The following KCNQ3 variants were observed in gnomAD, a reference collection of about 807,000 sequenced individuals.
The protein encoded by KCNQ3 is potassium voltage-gated channel subfamily KQT member 3.
In KCNQ3, 30 loss-of-function variants were observed where a neutral mutation model predicts 92.5. The observed-to-expected ratio is 0.32, with a 90% CI of 0.24 to 0.44. The LOEUF (loss-of-function observed/expected upper bound fraction) is 0.44, where lower values mean the gene tolerates loss of function less well. KCNQ3 is among the 20% of genes least tolerant of loss of function. The pLI, the probability that KCNQ3 is intolerant of heterozygous loss-of-function variation, is 1.00. For synonymous variants in KCNQ3, 450 were observed against 468.8 expected (o/e 0.96, Z 0.52); for missense variants, 913 against 1,140.3 (o/e 0.80, Z 2.87).
Position 132,476,001 on chromosome 8 carries a change from G to A in KCNQ3, c.386+4146C>T, listed in dbSNP as rs190892888. 2.2e-3 allele frequency among the ~76,000 whole-genome samples: 341 copies of A among 152,330 alleles called. 1 individual carries two copies. The highest frequency in any genetic ancestry group is 7.2e-3 in the African/African-American group (300 of 41,582). ...GGACTTGGTGCCCTGTGTCCCAGCC[G>A]CTCCAGTTCCAGCCATGGCTAAAAG... On this transcript the variant is annotated intron_variant, in intron 1 of 14. Coordinates refer to ENST00000388996, the MANE Select transcript of KCNQ3 (RefSeq NM_004519.4).
chr8:132,429,060 AC>A (rs1821180951), intron 1 of KCNQ3, among the ~76,000 whole-genome samples: 1 of 152,224 alleles, frequency 6.6e-6, no homozygotes, highest in Admixed American at 6.5e-5. Flanking sequence ...GCAATGCCAA[AC>A]TTTGAATTAA....
At chr8:132,459,722 GTTTTCT>G (rs1822020120) in intron 1 of KCNQ3, among the ~76,000 whole-genome samples, 1 of 150,090 alleles carries the variant, frequency 6.7e-6, no homozygotes, top group Non-Finnish European at 1.5e-5. Flanking sequence ...CCATTATAAA[GTTTTCT>G]TTTTCTTGTT....
intron 1 of KCNQ3, among the ~76,000 whole-genome samples, chr8:132,426,233 T>G (rs999787283): frequency 1.9e-4 from 29 of 152,222 alleles, no homozygotes; most frequent in Admixed American, 1.9e-3. Flanking sequence ...TGGCAGGGCC[T>G]CAGATGGCCT....
intron 1 of KCNQ3, among the ~76,000 whole-genome samples, chr8:132,294,874 C>T (rs1816969147): frequency 6.6e-6 from 1 of 152,198 alleles, no homozygotes; most frequent in African/African-American, 2.4e-5. Context: ...CCCTCCCTTA[C>T]ACCTTATACA....
At chr8:132,140,227 GCTTGGGGACCCCA>G in intron 10 of KCNQ3, 49 bp from the exon 11 acceptor site, 1 of 1,410,340 alleles carries the variant, frequency 7.1e-7, no homozygotes, top group Non-Finnish European at 1.0e-6. Context: ...CCTGGAAAAG[GCTTGGGGACCCCA>G]CTGTTCGGTC....
intron 1 of KCNQ3, 135 bp downstream of exon 1, chr8:132,480,012 A>G (rs1254610617): frequency 1.9e-5 from 15 of 771,216 alleles, no homozygotes; most frequent in Non-Finnish European, 3.1e-5. Context: ...ACGCGTGCTG[A>G]GGACGGGCTG....
intron 11 of KCNQ3, 149 bp from the exon 12 acceptor site, chr8:132,138,165 T>C: frequency 2.4e-6 from 2 of 838,030 alleles, no homozygotes; most frequent in East Asian, 5.2e-5. Context: ...GTTCTGGTTC[T>C]ACCCCTTGGA....
intron 9 of KCNQ3, among the ~76,000 whole-genome samples, chr8:132,160,415 C>A (rs939690545): frequency 6.6e-5 from 10 of 152,164 alleles, no homozygotes; most frequent in Non-Finnish European, 8.8e-5. Flanking sequence ...AACAGAGGTA[C>A]AACTCATCCC....
At chr8:132,459,993 T>C (rs1428900076) in intron 1 of KCNQ3, among the ~76,000 whole-genome samples, 2 of 152,166 alleles carry the variant, frequency 1.3e-5, no homozygotes, top group Non-Finnish European at 2.9e-5. Context: ...TTGTCCCACA[T>C]TGGCCAGGGG....
At chr8:132,263,973 G>A (rs1041853350) in intron 1 of KCNQ3, among the ~76,000 whole-genome samples, 5 of 152,168 alleles carry the variant, frequency 3.3e-5, no homozygotes, top group African/African-American at 1.2e-4. Context: ...GAGCTTACTA[G>A]GTGTTAAGCA....
At chr8:132,290,777 G>T (rs1452145972) in intron 1 of KCNQ3, among the ~76,000 whole-genome samples, 2 of 152,162 alleles carry the variant, frequency 1.3e-5, no homozygotes, top group Non-Finnish European at 1.5e-5. Context: ...TACCTAAACA[G>T]CAATAACAAT....
chr8:132,216,440 G>C (rs1475015203), intron 1 of KCNQ3, among the ~76,000 whole-genome samples: 1 of 152,156 alleles, frequency 6.6e-6, no homozygotes, highest in African/African-American at 2.4e-5. Context: ...CACAGTCAGG[G>C]GACAGCAGGC....
At chr8:132,191,972 C>A (rs1224492066) in intron 1 of KCNQ3, among the ~76,000 whole-genome samples, 3 of 152,128 alleles carry the variant, frequency 2.0e-5, no homozygotes, top group Non-Finnish European at 2.9e-5. Context: ...AAGCTACTTG[C>A]GGACCTGCTG....
chr8:132,444,397 C>T (rs571733677), intron 1 of KCNQ3, among the ~76,000 whole-genome samples: 3 of 152,280 alleles, frequency 2.0e-5, no homozygotes, highest in South Asian at 4.1e-4. Flanking sequence ...GAAGGGTCTA[C>T]ACTGAATATC....
chr8:132,287,066 T>C (rs1050847642), intron 1 of KCNQ3, among the ~76,000 whole-genome samples: 5 of 151,444 alleles, frequency 3.3e-5, no homozygotes, highest in African/African-American at 1.2e-4. Flanking sequence ...TACTCTGTTA[T>C]AGAAGCATAA....
At chr8:132,365,867 C>A (rs1309193038) in intron 1 of KCNQ3, among the ~76,000 whole-genome samples, 3 of 151,880 alleles carry the variant, frequency 2.0e-5, no homozygotes, top group Admixed American at 6.6e-5. Context: ...CTGTCTCTAC[C>A]AAAAATACAA....
intron 9 of KCNQ3, among the ~76,000 whole-genome samples, chr8:132,156,026 T>C (rs775241750): frequency 2.2e-4 from 34 of 152,248 alleles, no homozygotes; most frequent in Non-Finnish European, 4.6e-4. Flanking sequence ...TGAGGATCTA[T>C]GAGGATGATT....
At chr8:132,476,129 T>C (rs1822405959) in intron 1 of KCNQ3, among the ~76,000 whole-genome samples, 1 of 152,216 alleles carries the variant, frequency 6.6e-6, no homozygotes, top group South Asian at 2.1e-4. Context: ...AGACAAGAGT[T>C]AGGCTTTGGG....
At chr8:132,334,355 C>T (rs1349638006) in intron 1 of KCNQ3, among the ~76,000 whole-genome samples, 3 of 151,888 alleles carry the variant, frequency 2.0e-5, no homozygotes, top group Non-Finnish European at 4.4e-5. Context: ...CACCTGTAAT[C>T]CCAGCTACTC....
Sources: gnomAD v4.1 joint callset for allele counts (sites outside exome capture counted in the v4.1 genomes callset) on GRCh38, gnomAD v4.1.1 for gene constraint, MANE v1.5 for transcripts, NCBI Gene and HGNC (gene_info 2026-07-23, HGNC 2026-07-21) for gene names.